The following NF2 variants were observed in gnomAD, a reference collection of about 807,000 sequenced individuals.
NF2 encodes merlin.
Under a neutral mutation model 83.7 loss-of-function variants are expected in NF2, and 8 were observed. That is an observed-to-expected ratio of 0.10 (90% confidence interval 0.06 to 0.17). The LOEUF (loss-of-function observed/expected upper bound fraction) is 0.17. Ranked by LOEUF, NF2 falls within the 10% of genes least tolerant of loss-of-function variation. The probability of loss-of-function intolerance (pLI) is 1.00; values close to 1 mark genes in which losing one functional copy is unlikely to be tolerated. For synonymous variants in NF2, 266 were observed against 269.6 expected (o/e 0.99, Z 0.13); for missense variants, 533 against 744.4 (o/e 0.72, Z 3.31).
Position 29,654,668 on chromosome 22 carries a change from C to T in NF2, c.459C>T (p.Tyr153=), listed in dbSNP as rs142972020. 40 of 1,613,588 alleles carry T rather than the reference C, an allele frequency of 2.5e-5. No homozygotes were observed. The highest frequency in any genetic ancestry group is 8.0e-5 in the African/African-American group (6 of 74,898). ...SYAVQAKYGD[Y]DPSVHKRGFL... ...TTTCTTCTTTCCAGTATGGTGACTA[C>T]GACCCCAGTGTTCACAAGCGGGGAT... The change falls in exon 5 of 16, where the codon TAC becomes TAT. Residue 153 remains tyrosine (Y), a synonymous_variant. Coordinates refer to ENST00000338641, the MANE Select transcript of NF2 (RefSeq NM_000268.4).
At chr22:29,624,806 TTTCTTTCTTTCTTTC>T (rs1349606241) in intron 1 of NF2, among the ~76,000 whole-genome samples, 1 of 36,276 alleles carries the variant, frequency 2.8e-5, no homozygotes, top group South Asian at 1.1e-3. Context: ...GTCCTCTTTC[TTTCTTTCTTTCTTTC>T]TTTCTTTCTT....
intron 4 of NF2, among the ~76,000 whole-genome samples, chr22:29,649,738 G>T (rs56246484): frequency 0.36 from 53,336 of 148,778 alleles, 9,639 homozygotes; most frequent in South Asian, 0.49. Context: ...GTGAGACTCT[G>T]TCTGAAAAAT....
At chr22:29,650,297 A>G (rs1280669705) in intron 4 of NF2, among the ~76,000 whole-genome samples, 2 of 152,222 alleles carry the variant, frequency 1.3e-5, no homozygotes. Flanking sequence ...ACTTTCAATA[A>G]CAGTGTGTGA....
chr22:29,673,520 G>C (rs1347282670), intron 12 of NF2, 34 bp downstream of exon 12: 1 of 1,583,638 alleles, frequency 6.3e-7, no homozygotes, highest in Non-Finnish European at 8.6e-7. Flanking sequence ...CTGGCGAGGA[G>C]GCTGGCGAAG....
intron 13 of NF2, 142 bp downstream of exon 13, chr22:29,675,083 C>A: frequency 1.4e-6 from 1 of 707,532 alleles, no homozygotes; most frequent in Non-Finnish European, 2.5e-6. Context: ...AGAGAGCCTG[C>A]AGTTAGGGAC....
intron 4 of NF2, among the ~76,000 whole-genome samples, chr22:29,647,282 TA>T (rs2066009728): frequency 6.6e-6 from 1 of 152,234 alleles, no homozygotes; most frequent in Non-Finnish European, 1.5e-5. Context: ...AGTTTCTTAG[TA>T]CTCTTTAATG....
At chr22:29,638,414 A>G (rs535327218) in intron 2 of NF2, among the ~76,000 whole-genome samples, 2 of 150,778 alleles carry the variant, frequency 1.3e-5, no homozygotes, top group African/African-American at 4.9e-5. Flanking sequence ...ACAATGACGC[A>G]GTCTCGGCTC....
At chr22:29,605,380 A>G (rs2064762873) in intron 1 of NF2, among the ~76,000 whole-genome samples, 1 of 151,970 alleles carries the variant, frequency 6.6e-6, no homozygotes, top group Admixed American at 6.6e-5. Context: ...GGGCAGGCTG[A>G]TCTCGAACTC....
intron 3 of NF2, among the ~76,000 whole-genome samples, chr22:29,640,155 A>G (rs1365836025): frequency 7.0e-6 from 1 of 142,534 alleles, no homozygotes; most frequent in Non-Finnish European, 1.5e-5. Context: ...AAATTGAGTC[A>G]CTTCACTCTA....
chr22:29,688,580 G>A (rs1383826161), intron 15 of NF2, among the ~76,000 whole-genome samples: 1 of 152,266 alleles, frequency 6.6e-6, no homozygotes, highest in African/African-American at 2.4e-5. Context: ...AAGGAACAGA[G>A]GAGCAGCGGA....
At chr22:29,686,148 T>A (rs141869519) in intron 15 of NF2, among the ~76,000 whole-genome samples, 176 of 152,272 alleles carry the variant, frequency 1.2e-3, no homozygotes, top group African/African-American at 4.0e-3. Flanking sequence ...AATGAGAGAA[T>A]GTGTGTGCAA....
At chr22:29,683,913 C>G in intron 15 of NF2, 2 of 1,038,134 alleles carry the variant, frequency 1.9e-6, no homozygotes, top group Non-Finnish European at 2.3e-6. Flanking sequence ...CATCCTGCCT[C>G]TACTTCTCAC....
rs1237243804 is a variant in NF2 at position 29,673,465 on chromosome 22, T to C, written c.1319T>C (p.Met440Thr). 1 of 1,610,434 alleles carries C rather than the reference T, an allele frequency of 6.2e-7. No individual in the cohort carries two copies. Among genetic ancestry groups the C allele is most frequent in the Admixed American group, 1.7e-5 (1 of 59,554 alleles). Residue 440 changes from methionine to threonine, a missense_variant, in exon 12 of 16, where the codon ATG (methionine) becomes ACG (threonine). Coordinates refer to ENST00000338641, the MANE Select transcript of NF2 (RefSeq NM_000268.4). ...GAAGCCGAGGTGCTGGCACTGAAGA[T>C]GGCTGAGGAGTCAGAGAGGAGGTGA... Reference protein sequence around the residue: ...VLEAEVLALKMAEESERRAKE... With the variant: ...VLEAEVLALKTAEESERRAKE...
chr22:29,632,465 T>C (rs1486300699), intron 1 of NF2, among the ~76,000 whole-genome samples: 1 of 152,198 alleles, frequency 6.6e-6, no homozygotes, highest in Non-Finnish European at 1.5e-5. Context: ...ACAAGTGTTA[T>C]AGTGCTGAAA....
intron 15 of NF2, among the ~76,000 whole-genome samples, 177 bp downstream of exon 15, chr22:29,681,778 A>G (rs1264604005): frequency 6.6e-6 from 1 of 152,214 alleles, no homozygotes; most frequent in Non-Finnish European, 1.5e-5. Context: ...GCCAATGACT[A>G]TGAACCCATT....
chr22:29,658,261 C>A lies in NF2; in HGVS notation c.672C>A (p.Ile224=), dbSNP rs1298953582. ...LEMYGVNYFA[I]RNKKGTELLL... ...TGTACGGTGTGAACTACTTTGCAAT[C>A]CGGGTGTGTTGAAACCTCTCTGAGC... is the stretch of plus-strand genomic sequence containing the variant. The change falls in exon 7 of 16, where the codon ATC becomes ATA. Residue 224 remains isoleucine, a synonymous_variant. Transcript: ENST00000338641. 6.2e-7 allele frequency: 1 copy of A among 1,614,020 alleles called. No homozygotes were observed. Among genetic ancestry groups the A allele is most frequent in the Non-Finnish European group, 8.5e-7 (1 of 1,179,926 alleles).
intron 1 of NF2, among the ~76,000 whole-genome samples, chr22:29,614,434 T>A (rs185315713): frequency 1.5e-3 from 226 of 151,982 alleles, no homozygotes; most frequent in African/African-American, 5.2e-3. Flanking sequence ...AAAACAAAAT[T>A]AGCTGGGCGT....
chr22:29,611,653 A>G (rs1275306561), intron 1 of NF2, among the ~76,000 whole-genome samples: 1 of 152,266 alleles, frequency 6.6e-6, no homozygotes, highest in Non-Finnish European at 1.5e-5. Flanking sequence ...CAATTAGGCA[A>G]GAAAATGCAA....
In NF2 at chr22:29,661,321, C is replaced by T. The variant is rs2147010859; in HGVS notation, c.792C>T (p.Ile264=). 6.2e-7 allele frequency: 1 copy of T among 1,614,156 alleles called. No individual in the cohort carries two copies. Among genetic ancestry groups the T allele is most frequent in the Non-Finnish European group, 8.5e-7 (1 of 1,180,040 alleles). The change falls in exon 8 of 16, where the codon ATC becomes ATT. Residue 264 remains isoleucine (I), a synonymous_variant. Transcript: ENST00000338641. ...ISFPWNEIRN[I]SYSDKEFTIK... Reference sequence around the variant, plus strand: ...TCCCGTGGAATGAAATCCGAAACATCTCGTACAGTGACAAGGAGGTAGGAC... The same window carrying T: ...TCCCGTGGAATGAAATCCGAAACATTTCGTACAGTGACAAGGAGGTAGGAC...
Sources: allele counts gnomAD v4.1 joint callset (sites outside exome capture counted in the v4.1 genomes callset), GRCh38; gene constraint gnomAD v4.1.1; transcripts MANE v1.5; gene names NCBI Gene and HGNC (gene_info 2026-07-23, HGNC 2026-07-21).